PTPRJ: variants seen among roughly 807,000 people sequenced by gnomAD.
The protein encoded by PTPRJ is protein tyrosine phosphatase receptor type J.
In PTPRJ, 129 loss-of-function variants were observed where a neutral mutation model predicts 141.3. The ratio of observed to expected loss-of-function variants is 0.91; its 90% confidence interval spans 0.79 to 1.06. The LOEUF (loss-of-function observed/expected upper bound fraction) is 1.06. PTPRJ is among the 50% of genes least tolerant of loss of function. PTPRJ has a pLI of 0.00. For missense variants in PTPRJ, 1,601 were observed against 1,679.7 expected, an observed-to-expected ratio of 0.95 and a Z score of 0.82; for synonymous variants, 610 against 640.5, an observed-to-expected ratio of 0.95 and a Z score of 0.72.
intron 1 of PTPRJ, among the ~76,000 whole-genome samples, chr11:48,053,972 G>A (rs148569728): frequency 0.034 from 4,400 of 130,600 alleles, 90 homozygotes; most frequent in Non-Finnish European, 0.048. Flanking sequence ...CACTCTTGTC[G>A]CCCAGTCTGG....
Position 48,127,996 on chromosome 11 carries a change from T to C in PTPRJ, c.1310T>C (p.Val437Ala). ...TTCTACAACATCACAGTGTGTCCTG[T>C]CCTAGGTGACATCGAGGGCACGCCG... ...STFYNITVCP[V>A]LGDIEGTPGF... The change falls in exon 7 of 25, where the codon GTC becomes GCC. Residue 437 changes from valine to alanine, a missense_variant. By Grantham distance (64) the Val-to-Ala change is moderately conservative. Coordinates refer to ENST00000418331, the MANE Select transcript of PTPRJ (RefSeq NM_002843.4). The C allele has an allele frequency of 1.2e-6, 2 of 1,613,968 alleles. No homozygotes were observed. The highest frequency in any genetic ancestry group is 1.7e-6 in the Non-Finnish European group (2 of 1,179,844).
At chr11:48,059,864 C>A (rs2134258724) in intron 1 of PTPRJ, among the ~76,000 whole-genome samples, 1 of 152,322 alleles carries the variant, frequency 6.6e-6, no homozygotes, top group African/African-American at 2.4e-5. Context: ...TGGGTCTTGG[C>A]TTCAAGAATC....
chr11:48,084,088 A>C (rs1426175147), intron 1 of PTPRJ, among the ~76,000 whole-genome samples: 1 of 152,220 alleles, frequency 6.6e-6, no homozygotes, highest in African/African-American at 2.4e-5. Flanking sequence ...AACAGATCGC[A>C]AACTGGGAGA....
rs779341228 is a variant in PTPRJ, at chr11:48,136,034, A to C, written c.1616-5A>C. The C allele has an allele frequency of 6.2e-7, 1 of 1,612,282 alleles. No individual in the cohort carries two copies. The highest frequency in any genetic ancestry group is 8.5e-7 in the Non-Finnish European group (1 of 1,178,672). ...TTTCCCTTCTCCTTCCTTTCTTCTGAGCAGTTCCCAGTGCAGTGTTTGACA... is the reference window on the plus strand; with the variant it reads ...TTTCCCTTCTCCTTCCTTTCTTCTGCGCAGTTCCCAGTGCAGTGTTTGACA... On this transcript the variant is annotated splice_region_variant and splice_polypyrimidine_tract_variant and intron_variant, in intron 8 of 24. Transcript: ENST00000418331.
rs529913763 is a variant in PTPRJ at position 48,069,653 on chromosome 11, A to G, written c.97-40405A>G. On this transcript the variant is annotated intron_variant, in intron 1 of 24. Transcript: ENST00000418331. The stretch of plus-strand genomic sequence containing the variant: ...TTTTTAGTAGAGACGGGGTTTCACC[A>G]TGTTAGCCAGGATGGTCTTGATCTC... Among the ~76,000 whole-genome samples the G allele has an allele frequency of 1.7e-3, 264 of 151,302 alleles. 2 individuals carry two copies. Among genetic ancestry groups the G allele is most frequent in the African/African-American group, 5.8e-3 (240 of 41,220 alleles).
At chr11:48,135,535 G>T (rs1350814673) in intron 8 of PTPRJ, among the ~76,000 whole-genome samples, 1 of 139,048 alleles carries the variant, frequency 7.2e-6, no homozygotes, top group Non-Finnish European at 1.5e-5. Flanking sequence ...AGGCTGGAGT[G>T]CAGTGGTGTG....
chr11:47,980,884 T>G lies in PTPRJ; in HGVS notation c.-29T>G. 8.9e-7 allele frequency: 1 copy of G among 1,121,538 alleles called. No homozygotes were observed. Among genetic ancestry groups the G allele is most frequent in the Non-Finnish European group, 1.1e-6 (1 of 918,884 alleles). The allele number at this position is 1,121,538 out of a possible 1,614,324, so 69.5% of individuals were successfully genotyped here. On this transcript the variant is annotated 5_prime_UTR_variant, in exon 1 of 25. Transcript: ENST00000418331. ...CGCACGGCGGGGCCCGATTCGCGCG[T>G]CCGGGGCACGTTCCAGGGCGCGCGG...
chr11:48,142,149 T>A (rs1479220854), intron 11 of PTPRJ, among the ~76,000 whole-genome samples: 1 of 152,218 alleles, frequency 6.6e-6, no homozygotes, highest in African/African-American at 2.4e-5. Context: ...GAAGATAAGT[T>A]GACTGTATAT....
intron 1 of PTPRJ, among the ~76,000 whole-genome samples, chr11:48,089,523 A>AC (rs908034720): frequency 6.6e-6 from 1 of 151,912 alleles, no homozygotes; most frequent in African/African-American, 2.4e-5. Flanking sequence ...CTCAAAAAAA[A>AC]AAAAAAAAAC....
At chr11:48,021,013 T>G (rs1855103144) in intron 1 of PTPRJ, among the ~76,000 whole-genome samples, 1 of 152,210 alleles carries the variant, frequency 6.6e-6, no homozygotes, top group Admixed American at 6.5e-5. Context: ...TTTAAGAGAA[T>G]GCAGGGCATT....
Position 48,131,070 on chromosome 11 carries a change from A to ATT in PTPRJ, c.1615+380_1615+381dup, listed in dbSNP as rs71045547. On this transcript the variant is annotated intron_variant, in intron 8 of 24. Coordinates refer to ENST00000418331, the MANE Select transcript of PTPRJ (RefSeq NM_002843.4). ...CACACACATATATATATATATATAT[A>ATT]TTTTTTTTTTTTTTTTTTTTTTTTT... 1.1e-3 allele frequency among the ~76,000 whole-genome samples: 51 copies of ATT among 46,550 alleles called. 2 individuals carry two copies. Among genetic ancestry groups the ATT allele is most frequent in the African/African-American group, 2.9e-3 (43 of 14,636 alleles). 30.5% of individuals were successfully genotyped at this position (46,550 alleles called of 152,430 possible).
chr11:48,060,400 T>G (rs1854885762), intron 1 of PTPRJ, among the ~76,000 whole-genome samples: 1 of 152,036 alleles, frequency 6.6e-6, no homozygotes, highest in African/African-American at 2.4e-5. Context: ...TTTCTATAAC[T>G]TATAGAAACA....
intron 1 of PTPRJ, among the ~76,000 whole-genome samples, chr11:48,069,665 A>G (rs1368935188): frequency 7.3e-5 from 11 of 151,266 alleles, no homozygotes. Flanking sequence ...GTTAGCCAGG[A>G]TGGTCTTGAT....
intron 1 of PTPRJ, among the ~76,000 whole-genome samples, chr11:48,052,035 G>T (rs1854584470): frequency 6.6e-6 from 1 of 152,228 alleles, no homozygotes; most frequent in East Asian, 1.9e-4. Flanking sequence ...TGGCGATGGT[G>T]CTTAACCCAG....
At chr11:48,162,552 C>T (rs1014529795) in intron 22 of PTPRJ, among the ~76,000 whole-genome samples, 4 of 152,062 alleles carry the variant, frequency 2.6e-5, no homozygotes, top group South Asian at 2.1e-4. Flanking sequence ...TCTGTTTTTC[C>T]TGTTTTCCAA....
intron 1 of PTPRJ, among the ~76,000 whole-genome samples, chr11:48,101,336 G>A (rs1856143612): frequency 6.6e-6 from 1 of 152,184 alleles, no homozygotes; most frequent in Non-Finnish European, 1.5e-5. Context: ...CCTCACCTCT[G>A]TAGTGTGGTG....
At chr11:47,993,821 C>G (rs1043453261) in intron 1 of PTPRJ, among the ~76,000 whole-genome samples, 14 of 151,410 alleles carry the variant, frequency 9.2e-5, no homozygotes, top group African/African-American at 2.9e-4. Context: ...TGATTCCCAT[C>G]AAACAGTTCA....
chr11:48,060,532 T>C (rs1854892022), intron 1 of PTPRJ, among the ~76,000 whole-genome samples: 1 of 152,210 alleles, frequency 6.6e-6, no homozygotes, highest in South Asian at 2.1e-4. Flanking sequence ...AGATGCAGGT[T>C]TGATTGAAGA....
chr11:48,038,717 C>T (rs1181643384), intron 1 of PTPRJ, among the ~76,000 whole-genome samples: 1 of 150,622 alleles, frequency 6.6e-6, no homozygotes, highest in Non-Finnish European at 1.5e-5. Context: ...TTCTTGAACT[C>T]CTGACCTCGT....
Sources: gnomAD v4.1 joint callset for allele counts (sites outside exome capture counted in the v4.1 genomes callset) on GRCh38, gnomAD v4.1.1 for gene constraint, MANE v1.5 for transcripts, NCBI Gene and HGNC (gene_info 2026-07-23, HGNC 2026-07-21) for gene names.